The following CACNA2D3 variants were observed in gnomAD, a reference collection of about 807,000 sequenced individuals.
CACNA2D3 encodes the protein calcium voltage-gated channel auxiliary subunit alpha2delta 3.
Under a neutral mutation model 160.6 loss-of-function variants are expected in CACNA2D3, and 60 were observed. That is an observed-to-expected ratio of 0.37 (90% CI 0.30 to 0.46). The LOEUF (loss-of-function observed/expected upper bound fraction) is 0.46, where lower values mean the gene tolerates loss of function less well. CACNA2D3 is among the 20% of genes least tolerant of loss of function. CACNA2D3 has a pLI of 1.00. For synonymous variants in CACNA2D3, 558 were observed against 492.9 expected, an observed-to-expected ratio of 1.13 and a Z score of -1.75; for missense variants, 1,205 against 1,365.0, an observed-to-expected ratio of 0.88 and a Z score of 1.85.
chr3:54,504,180 T>G (rs1294879552), intron 5 of CACNA2D3, among the ~76,000 whole-genome samples: 2 of 152,188 alleles, frequency 1.3e-5, no homozygotes, highest in African/African-American at 4.8e-5. Context: ...GGGTCTTTTC[T>G]TAGAGTATAA....
intron 8 of CACNA2D3, among the ~76,000 whole-genome samples, chr3:54,571,535 C>T (rs1466695660): frequency 6.6e-6 from 1 of 151,804 alleles, no homozygotes; most frequent in African/African-American, 2.4e-5. Context: ...CATCATGCCC[C>T]TTATGTTCCT....
chr3:54,891,604 C>T (rs1217476171), intron 25 of CACNA2D3, among the ~76,000 whole-genome samples, 154 bp downstream of exon 25: 1 of 152,212 alleles, frequency 6.6e-6, no homozygotes, highest in Non-Finnish European at 1.5e-5. Context: ...TTCTACCATG[C>T]GGGCCCCAGC....
Position 54,709,011 on chromosome 3 carries a change from C to CT in CACNA2D3, c.1168-43573dup, listed in dbSNP as rs35102613. Among the ~76,000 whole-genome samples, 1,323 of 142,100 alleles carry CT rather than the reference C, an allele frequency of 9.3e-3. 13 individuals are homozygous for CT. The highest frequency in any genetic ancestry group is 0.065 in the East Asian group (316 of 4,890). The allele number at this position is 142,100 out of a possible 152,430, so 93.2% of individuals were successfully genotyped here. A position where few individuals can be genotyped will look rare whatever the true frequency, so the allele number is the denominator to read the frequency against. On this transcript the variant is annotated intron_variant, in intron 11 of 37. Transcript: ENST00000474759. ...AACCTAATTCTATACCCATCTTCAT[C>CT]TTTTTTTTTTTTTTTCAAGATGGAG...
chr3:54,648,086 G>A (rs543758016), intron 11 of CACNA2D3, among the ~76,000 whole-genome samples: 2 of 152,268 alleles, frequency 1.3e-5, no homozygotes, highest in African/African-American at 4.8e-5. Context: ...CCTCCCCCTT[G>A]TTGCACAAGA....
At chr3:55,000,349 T>C (rs1702953675) in intron 31 of CACNA2D3, among the ~76,000 whole-genome samples, 1 of 152,168 alleles carries the variant, frequency 6.6e-6, no homozygotes. Context: ...GGAAGGCTTA[T>C]TTTGTAACCT....
chr3:54,598,156 A>T (rs151250796), intron 9 of CACNA2D3, among the ~76,000 whole-genome samples: 1 of 151,494 alleles, frequency 6.6e-6, no homozygotes, highest in Non-Finnish European at 1.5e-5. Flanking sequence ...AACAACAAAA[A>T]AATTAGCCGG....
rs572162290 is a variant in CACNA2D3 at position 54,880,840 on chromosome 3, G to A, written c.1889G>A (p.Arg630Gln). 1.4e-5 allele frequency: 22 copies of A among 1,613,806 alleles called. No individual in the cohort carries two copies. The highest frequency in any genetic ancestry group is 1.6e-4 in the Middle Eastern group (1 of 6,062). Residue 630 changes from arginine (R) to glutamine (Q), a missense_variant, in exon 21 of 38, where the codon CGA (arginine) becomes CAA (glutamine). Arg to Gln is a conservative substitution (Grantham distance 43, BLOSUM62 1). Around this residue, in one of 3 missense-constraint regions of CACNA2D3, gnomAD observed 911 missense variants for 1,002.2 expected, o/e 0.91. Coordinates refer to ENST00000474759, the MANE Select transcript of CACNA2D3 (RefSeq NM_018398.3). ...LSRGHGKYFF[R>Q]GNVTIEEGLH... ...AGAGGTCATGGGAAATATTTCTTCCGAGGGAATGTAACCATCGAAGAAGGT... is the reference window on the plus strand; with the variant it reads ...AGAGGTCATGGGAAATATTTCTTCCAAGGGAATGTAACCATCGAAGAAGGT...
intron 2 of CACNA2D3, among the ~76,000 whole-genome samples, chr3:54,268,184 A>G (rs1281424987): frequency 1.3e-5 from 2 of 152,164 alleles, no homozygotes; most frequent in Non-Finnish European, 2.9e-5. Context: ...CAAATTTTTA[A>G]TGGGAAAGAA....
At chr3:55,022,909 C>T (rs1265425134) in intron 35 of CACNA2D3, among the ~76,000 whole-genome samples, 1 of 151,774 alleles carries the variant, frequency 6.6e-6, no homozygotes, top group Non-Finnish European at 1.5e-5. Context: ...TGTTTTTAAC[C>T]CATGAAATAA....
chr3:54,709,168 CCTGA>C (rs998909450), intron 11 of CACNA2D3, among the ~76,000 whole-genome samples: 1 of 150,032 alleles, frequency 6.7e-6, no homozygotes, highest in African/African-American at 2.5e-5. Context: ...CACCACCATG[CCTGA>C]CTAATTTTTT....
intron 11 of CACNA2D3, among the ~76,000 whole-genome samples, chr3:54,749,987 A>G (rs1314554647): frequency 2.0e-5 from 3 of 152,206 alleles, no homozygotes; most frequent in African/African-American, 7.2e-5. Flanking sequence ...GGTAGGGGAC[A>G]TGGTGATGGT....
At chr3:54,461,363 C>T (rs1025542200) in intron 4 of CACNA2D3, among the ~76,000 whole-genome samples, 7 of 151,004 alleles carry the variant, frequency 4.6e-5, no homozygotes, top group African/African-American at 1.7e-4. Flanking sequence ...ACCAGTTCCT[C>T]CTTGTACCTC....
intron 4 of CACNA2D3, among the ~76,000 whole-genome samples, chr3:54,500,991 G>C (rs1254788860): frequency 6.6e-6 from 1 of 152,206 alleles, no homozygotes; most frequent in Non-Finnish European, 1.5e-5. Flanking sequence ...AGGCTGCTCT[G>C]CTTCCAATAT....
At chr3:54,276,090 T>A (rs1010220317) in intron 2 of CACNA2D3, among the ~76,000 whole-genome samples, 25 of 152,154 alleles carry the variant, frequency 1.6e-4, no homozygotes, top group Non-Finnish European at 3.7e-4. Flanking sequence ...GAAGCCCCGA[T>A]TGAATGCCCC....
At chr3:54,627,340 G>A (rs948721684) in intron 9 of CACNA2D3, among the ~76,000 whole-genome samples, 1 of 152,110 alleles carries the variant, frequency 6.6e-6, no homozygotes, top group African/African-American at 2.4e-5. Flanking sequence ...GTGGGAAGAG[G>A]GTTATGCCCA....
rs781315663 is a variant in CACNA2D3, at chr3:54,880,880, C to T, written c.1912+17C>T. ...TCGAAGAAGGTAAGATACTGCCTGG[C>T]TCGTCTTATCCTTTGGTGTGGGAGG... On this transcript the variant is annotated intron_variant, in intron 21 of 37. Coordinates refer to ENST00000474759, the MANE Select transcript of CACNA2D3 (RefSeq NM_018398.3). The T allele has an allele frequency of 3.2e-5, 51 of 1,609,584 alleles. No individual in the cohort carries two copies. Among genetic ancestry groups the T allele is most frequent in the Non-Finnish European group, 4.3e-5 (50 of 1,176,068 alleles).
At chr3:54,582,305 A>G (rs1702691033) in intron 9 of CACNA2D3, among the ~76,000 whole-genome samples, 1 of 152,216 alleles carries the variant, frequency 6.6e-6, no homozygotes, top group Non-Finnish European at 1.5e-5. Flanking sequence ...CTTTTCAAGG[A>G]TAGGAATGCT....
intron 10 of CACNA2D3, among the ~76,000 whole-genome samples, chr3:54,635,989 G>C (rs1454513756): frequency 1.3e-5 from 2 of 151,968 alleles, no homozygotes; most frequent in African/African-American, 4.9e-5. Flanking sequence ...GGCATGTTAA[G>C]TAAAGCTAAT....
intron 3 of CACNA2D3, among the ~76,000 whole-genome samples, chr3:54,338,969 C>G (rs945001037): frequency 2.0e-5 from 3 of 152,250 alleles, no homozygotes; most frequent in African/African-American, 7.2e-5. Flanking sequence ...GTTATTTTCT[C>G]TAACCCTGGG....
Sources: allele counts gnomAD v4.1 joint callset (sites outside exome capture counted in the v4.1 genomes callset), GRCh38; gene constraint gnomAD v4.1.1; regional missense constraint gnomAD v4.1.1; transcripts MANE v1.5; gene names NCBI Gene and HGNC (gene_info 2026-07-23, HGNC 2026-07-21).